The following STAT2 variants were observed in gnomAD, a reference collection of about 807,000 sequenced individuals.
STAT2 encodes signal transducer and activator of transcription 2, also known as interferon alpha induced transcriptional activator.
STAT2 carries 51 observed loss-of-function variants against 122.3 expected under a neutral mutation model. The ratio of observed to expected loss-of-function variants is 0.42; its 90% CI spans 0.33 to 0.53. The LOEUF (loss-of-function observed/expected upper bound fraction) is 0.53, where lower values mean the gene tolerates loss of function less well. Among genes scored for constraint, STAT2 ranks in the 20% least tolerant of loss-of-function variants. The probability of loss-of-function intolerance (pLI) is 0.10; values close to 1 mark genes in which losing one functional copy is unlikely to be tolerated. For missense variants in STAT2, 736 were observed against 1,010.3 expected (o/e 0.73, Z 3.68); for synonymous variants, 351 against 394.9 (o/e 0.89, Z 1.32).
At chr12:56,354,016 A>AAAAAAATATAT (rs71081350) in intron 8 of STAT2, among the ~76,000 whole-genome samples, 1 of 16,678 alleles carries the variant, frequency 6.0e-5, no homozygotes, top group Non-Finnish European at 1.6e-4. Flanking sequence ...AAAAAAAAAA[A>AAAAAAATATAT]ATATATATAT....
intron 6 of STAT2, 41 bp downstream of exon 6, chr12:56,355,235 C>A (rs1279481563): frequency 6.2e-7 from 1 of 1,611,170 alleles, no homozygotes; most frequent in East Asian, 2.2e-5. Flanking sequence ...GGCTTCTCAG[C>A]AGGCACTTAT....
intron 8 of STAT2, among the ~76,000 whole-genome samples, chr12:56,352,053 C>T (rs182537330): frequency 1.1e-4 from 16 of 152,124 alleles, no homozygotes; most frequent in African/African-American, 3.6e-4. Flanking sequence ...CCACCACGCC[C>T]GGCTAACTTA....
In STAT2 at chr12:56,355,957, C is replaced by T. The variant is rs75382075; in HGVS notation, c.286-154G>A. The stretch of plus-strand genomic sequence containing the variant: ...CCATAGCATCCTCCCAACAGTGTCA[C>T]GTATATGCAACCCTTCTCTCTGCTA... On this transcript the variant is annotated intron_variant, in intron 3 of 23. Transcript: ENST00000314128. Among the ~76,000 whole-genome samples the T allele has an allele frequency of 6.3e-3, 960 of 152,296 alleles. 7 individuals carry two copies. Among genetic ancestry groups the T allele is most frequent in the Non-Finnish European group, 7.6e-3 (516 of 68,016 alleles).
At chr12:56,354,335 T>C (rs1386381116) in intron 8 of STAT2, 131 bp downstream of exon 8, 2 of 1,412,458 alleles carry the variant, frequency 1.4e-6, no homozygotes, top group Non-Finnish European at 1.9e-6. Context: ...AGAGCTGCAG[T>C]CAGCAGGGAG....
At chr12:56,343,746 C>G (rs1054568581) in intron 23 of STAT2, 79 bp downstream of exon 23, 3 of 1,575,680 alleles carry the variant, frequency 1.9e-6, no homozygotes, top group Non-Finnish European at 2.6e-6. Flanking sequence ...TGGAGTTCAG[C>G]TTTTTCTGTA....
At chr12:56,355,394 G>A (rs776663567) in intron 5 of STAT2, 43 bp from the exon 6 acceptor site, 14 of 1,613,916 alleles carry the variant, frequency 8.7e-6, no homozygotes, top group Admixed American at 1.7e-5. Context: ...TTCTCAGGGA[G>A]GTGTTAGGCT....
At chr12:56,354,972 C>T in intron 6 of STAT2, 109 bp from the exon 7 acceptor site, 1 of 1,195,100 alleles carries the variant, frequency 8.4e-7, no homozygotes. Context: ...AAAGGGAAAC[C>T]AAGCAAAGCA....
chr12:56,348,405 G>T, intron 19 of STAT2, 124 bp downstream of exon 19: 2 of 944,392 alleles, frequency 2.1e-6, no homozygotes, highest in Non-Finnish European at 3.3e-6. Context: ...GTTAACAAAT[G>T]TGAGGAGACG....
intron 22 of STAT2, among the ~76,000 whole-genome samples, chr12:56,345,524 A>ATATATATATATATATATATATATATATAT (rs1253052692): frequency 7.6e-5 from 2 of 26,246 alleles, no homozygotes; most frequent in Non-Finnish European, 1.1e-4. Flanking sequence ...AAAAAAAAAA[A>ATATATATATATATATATATATATATATAT]ATATATATAT....
chr12:56,354,669 CCAA>C, intron 7 of STAT2, 55 bp from the exon 8 acceptor site: 1 of 1,612,718 alleles, frequency 6.2e-7, no homozygotes. Flanking sequence ...CCTCCACCAC[CCAA>C]CTGGGGATGA....
intron 8 of STAT2, among the ~76,000 whole-genome samples, chr12:56,351,912 G>A (rs1878552857): frequency 6.7e-6 from 1 of 150,152 alleles, no homozygotes; most frequent in Non-Finnish European, 1.5e-5. Context: ...TTTTTTTTTA[G>A]ACAGTCTCAC....
chr12:56,349,338 A>G, intron 15 of STAT2, 77 bp from the exon 16 acceptor site: 1 of 1,614,070 alleles, frequency 6.2e-7, no homozygotes, highest in Non-Finnish European at 8.5e-7. Context: ...AAGGAGTGCT[A>G]ACCCACCCCA....
intron 1 of STAT2, among the ~76,000 whole-genome samples, chr12:56,358,143 GTTAT>G (rs933585844): frequency 1.3e-5 from 2 of 150,300 alleles, no homozygotes; most frequent in African/African-American, 4.9e-5. Flanking sequence ...GTGTGTGTTT[GTTAT>G]TTATATTTGA....
rs772358857 is a variant in STAT2, at chr12:56,355,262, A to G, written c.547+14T>C. 1 of 1,614,006 alleles carries G rather than the reference A, an allele frequency of 6.2e-7. No individual in the cohort carries two copies. The highest frequency in any genetic ancestry group is 8.5e-7 in the Non-Finnish European group (1 of 1,179,968). On this transcript the variant is annotated intron_variant, in intron 6 of 23. Transcript: ENST00000314128. Reference sequence around the variant, plus strand: ...GGCACTTATCTTTCTCCAGCCCCTCAATGTGCTTCCTACCTTTGGCCTGGA... The same window carrying G: ...GGCACTTATCTTTCTCCAGCCCCTCGATGTGCTTCCTACCTTTGGCCTGGA...
At chr12:56,354,211 A>T (rs1368092623) in intron 8 of STAT2, among the ~76,000 whole-genome samples, 1 of 149,110 alleles carries the variant, frequency 6.7e-6, no homozygotes, top group East Asian at 2.0e-4. Context: ...ACATATATAT[A>T]TATTTCTGGG....
chr12:56,356,983 C>T (rs181587905), intron 1 of STAT2, among the ~76,000 whole-genome samples: 7 of 147,968 alleles, frequency 4.7e-5, no homozygotes, highest in South Asian at 2.1e-4. Flanking sequence ...CTCACTGGAG[C>T]ATTTTGGAGC....
intron 21 of STAT2, 72 bp downstream of exon 21, chr12:56,346,370 G>T: frequency 6.3e-7 from 1 of 1,586,388 alleles, no homozygotes; most frequent in Non-Finnish European, 8.6e-7. Flanking sequence ...ATGCTTTAAA[G>T]GAAGGAGTGG....
At chr12:56,343,594 G>A (rs1876896508) in intron 23 of STAT2, 63 bp from the exon 24 acceptor site, 1 of 1,577,546 alleles carries the variant, frequency 6.3e-7, no homozygotes, top group Non-Finnish European at 8.6e-7. Flanking sequence ...ACCCAGCAGG[G>A]AAAGGGAGGG....
At chr12:56,359,441 A>G (rs897709199) in intron 1 of STAT2, among the ~76,000 whole-genome samples, 1 of 141,554 alleles carries the variant, frequency 7.1e-6, no homozygotes, top group Non-Finnish European at 1.6e-5. Context: ...TGAGGTCCCA[A>G]TTCTTGAGGA....
Sources: gnomAD v4.1 joint callset for allele counts (sites outside exome capture counted in the v4.1 genomes callset) on GRCh38, gnomAD v4.1.1 for gene constraint, MANE v1.5 for transcripts, NCBI Gene and HGNC (gene_info 2026-07-23, HGNC 2026-07-21) for gene names.